NFIA: variants seen among roughly 807,000 people sequenced by gnomAD.
NFIA encodes nuclear factor I A, also known as nuclear factor 1 A-type.
Under a neutral mutation model 62.8 loss-of-function variants are expected in NFIA, and 8 were observed. That is an observed-to-expected ratio of 0.13 (90% CI 0.07 to 0.23). The LOEUF (loss-of-function observed/expected upper bound fraction) is 0.23. NFIA is among the 10% of genes least tolerant of loss of function. The probability of loss-of-function intolerance (pLI) is 1.00; values close to 1 mark genes in which losing one functional copy is unlikely to be tolerated. For synonymous variants in NFIA, 235 were observed against 238.1 expected (o/e 0.99, Z 0.12); for missense variants, 410 against 642.1 (o/e 0.64, Z 3.91).
At chr1:61,247,056 T>C (rs1325090910) in intron 2 of NFIA, among the ~76,000 whole-genome samples, 1 of 152,206 alleles carries the variant, frequency 6.6e-6, no homozygotes, top group African/African-American at 2.4e-5. Context: ...CATTAAGTAA[T>C]TTTCATACAT....
intron 2 of NFIA, among the ~76,000 whole-genome samples, chr1:61,229,851 C>G (rs1405075579): frequency 6.6e-6 from 1 of 152,024 alleles, no homozygotes; most frequent in African/African-American, 2.4e-5. Context: ...AGAATAGTAT[C>G]CTTAACAGGA....
At chr1:61,277,385 T>C (rs910636821) in intron 2 of NFIA, 135 bp from the exon 3 acceptor site, 1 of 777,558 alleles carries the variant, frequency 1.3e-6, no homozygotes, top group Admixed American at 2.5e-5. Flanking sequence ...CTTTTCTTTT[T>C]TTCATGTCTC....
At chr1:61,397,210 A>G (rs894198294) in intron 7 of NFIA, among the ~76,000 whole-genome samples, 4 of 152,118 alleles carry the variant, frequency 2.6e-5, no homozygotes, top group Admixed American at 1.3e-4. Context: ...GTCAGCAAAG[A>G]CTATTTGTCT....
At chr1:61,166,409 G>A (rs770399519) in intron 2 of NFIA, among the ~76,000 whole-genome samples, 1 of 152,108 alleles carries the variant, frequency 6.6e-6, no homozygotes, top group Non-Finnish European at 1.5e-5. Flanking sequence ...AGCTCCGTCT[G>A]TGTTCCATAC....
At chr1:61,219,013 C>T (rs1473614565) in intron 2 of NFIA, among the ~76,000 whole-genome samples, 1 of 152,174 alleles carries the variant, frequency 6.6e-6, no homozygotes, top group Non-Finnish European at 1.5e-5. Context: ...GGGCATATCA[C>T]CTGAGGTCAG....
Position 61,412,357 on chromosome 1 carries a change from T to TA in NFIA, c.1420+5631dup, listed in dbSNP as rs200496480. On this transcript the variant is annotated intron_variant, in intron 9 of 10. Transcript: ENST00000403491. ...AGCAGGGTTGATAGGGAGGGGCACT[T>TA]ATTGCAATCTTCCAGGCAAGAGTTG... Among the ~76,000 whole-genome samples, 1,422 of 152,308 alleles carry TA rather than the reference T, an allele frequency of 9.3e-3. 8 individuals carry two copies. Among genetic ancestry groups the TA allele is most frequent in the Middle Eastern group, 0.051 (15 of 294 alleles).
In NFIA at chr1:61,197,895, C is replaced by T. The variant is rs1404195046; in HGVS notation, c.560-79625C>T. 2.6e-5 allele frequency among the ~76,000 whole-genome samples: 4 copies of T among 151,926 alleles called. 1 individual carries two copies. Among genetic ancestry groups the T allele is most frequent in the African/African-American group, 7.3e-5 (3 of 41,358 alleles). Reference sequence around the variant, plus strand: ...ACTCGGGAGGCTGAGGCAGGAGAATCGCTTGAACCCGAGAGGCGGAGGTTG... The same window carrying T: ...ACTCGGGAGGCTGAGGCAGGAGAATTGCTTGAACCCGAGAGGCGGAGGTTG... On this transcript the variant is annotated intron_variant, in intron 2 of 10. Coordinates refer to ENST00000403491, the MANE Select transcript of NFIA (RefSeq NM_001134673.4).
chr1:61,398,579 A>G (rs1197975324), intron 7 of NFIA, among the ~76,000 whole-genome samples: 2 of 152,182 alleles, frequency 1.3e-5, no homozygotes, highest in African/African-American at 4.8e-5. Context: ...ATTTCTCTCA[A>G]TTGACATATC....
intron 2 of NFIA, among the ~76,000 whole-genome samples, chr1:61,198,287 C>A (rs963586070): frequency 3.3e-5 from 5 of 152,176 alleles, no homozygotes; most frequent in African/African-American, 1.2e-4. Flanking sequence ...TGATAGAGTT[C>A]TTTGCTAACA....
chr1:61,394,232 G>A (rs577611829), intron 7 of NFIA, among the ~76,000 whole-genome samples: 21 of 152,310 alleles, frequency 1.4e-4, no homozygotes, highest in African/African-American at 4.3e-4. Flanking sequence ...GGAGTGCAGT[G>A]GCACGATCTT....
intron 3 of NFIA, among the ~76,000 whole-genome samples, chr1:61,309,007 A>G (rs1358584625): frequency 6.6e-6 from 1 of 152,204 alleles, no homozygotes; most frequent in Non-Finnish European, 1.5e-5. Context: ...TGTAGGGCTA[A>G]GATCTCAATC....
chr1:61,296,264 A>G (rs1477675676), intron 3 of NFIA, among the ~76,000 whole-genome samples: 2 of 152,202 alleles, frequency 1.3e-5, no homozygotes, highest in Admixed American at 1.3e-4. Context: ...ACCTATCAGT[A>G]TTTGACTTCA....
chr1:61,360,215 A>G (rs995394709), intron 6 of NFIA, among the ~76,000 whole-genome samples: 1 of 152,222 alleles, frequency 6.6e-6, no homozygotes, highest in Non-Finnish European at 1.5e-5. Flanking sequence ...AGTAATATGG[A>G]TAAGTCTGAT....
intron 2 of NFIA, among the ~76,000 whole-genome samples, chr1:61,174,122 C>T (rs909931514): frequency 2.0e-5 from 3 of 152,112 alleles, no homozygotes; most frequent in African/African-American, 7.2e-5. Context: ...CTCATCTTTT[C>T]CCCCTTCAGA....
chr1:61,123,667 CTTTA>C (rs1368171790), intron 2 of NFIA, among the ~76,000 whole-genome samples: 2 of 147,750 alleles, frequency 1.4e-5, no homozygotes, highest in Non-Finnish European at 3.0e-5. Context: ...AAAATTAAAT[CTTTA>C]TTTATACAAA....
At chr1:61,223,928 C>T (rs968196111) in intron 2 of NFIA, among the ~76,000 whole-genome samples, 6 of 151,956 alleles carry the variant, frequency 3.9e-5, no homozygotes, top group African/African-American at 1.2e-4. Context: ...CAGAAACCAG[C>T]CTGTTTGAAA....
intron 2 of NFIA, among the ~76,000 whole-genome samples, chr1:61,190,275 A>G (rs1651528751): frequency 6.6e-6 from 1 of 152,182 alleles, no homozygotes; most frequent in Non-Finnish European, 1.5e-5. Flanking sequence ...CATCTCCATG[A>G]TGCTTTGCAC....
intron 2 of NFIA, among the ~76,000 whole-genome samples, chr1:61,191,822 A>G (rs1458291636): frequency 6.7e-6 from 1 of 148,728 alleles, no homozygotes; most frequent in Non-Finnish European, 1.5e-5. Flanking sequence ...ATTTTCTTCT[A>G]GATGCTAAGT....
rs893401756 is a variant in NFIA, at chr1:61,455,542, C to T, written c.*222C>T. 1.6e-6 allele frequency: 1 copy of T among 620,338 alleles called. No homozygotes were observed. Among genetic ancestry groups the T allele is most frequent in the Admixed American group, 3.4e-5 (1 of 29,770 alleles). 38.4% of individuals were successfully genotyped at this position (620,338 alleles called of 1,614,324 possible). A position where few individuals can be genotyped will look rare whatever the true frequency, so the allele number is the denominator to read the frequency against. ...TTTTTTTTTTAAAATACTTTAGGGACTGTTGTAATTTCTCATATGGTGCTG... is the reference window on the plus strand; with the variant it reads ...TTTTTTTTTTAAAATACTTTAGGGATTGTTGTAATTTCTCATATGGTGCTG... On this transcript the variant is annotated 3_prime_UTR_variant, in exon 11 of 11. Transcript: ENST00000403491.
Sources: gnomAD v4.1 joint callset for allele counts (sites outside exome capture counted in the v4.1 genomes callset) on GRCh38, gnomAD v4.1.1 for gene constraint, MANE v1.5 for transcripts, NCBI Gene and HGNC (gene_info 2026-07-23, HGNC 2026-07-21) for gene names.